The following RIMKLB variants were observed in gnomAD, a reference collection of about 807,000 sequenced individuals.
RIMKLB encodes the protein beta-citrylglutamate synthase B.
Under a neutral mutation model 32.0 loss-of-function variants are expected in RIMKLB, and 7 were observed. That is an observed-to-expected ratio of 0.22 (90% CI 0.12 to 0.41). RIMKLB has a LOEUF of 0.41. Ranked by LOEUF, RIMKLB falls within the 10% of genes least tolerant of loss-of-function variation. The pLI is 1.00. For missense variants in RIMKLB, 289 were observed against 498.7 expected, an observed-to-expected ratio of 0.58 and a Z score of 4.00; for synonymous variants, 172 against 185.1, an observed-to-expected ratio of 0.93 and a Z score of 0.57.
At chr12:8,772,616 C>T (rs1389875873) in intron 5 of RIMKLB, among the ~76,000 whole-genome samples, 2 of 152,164 alleles carry the variant, frequency 1.3e-5, no homozygotes, top group African/African-American at 4.8e-5. Flanking sequence ...CTCACCTGTC[C>T]AGCTACTTCT....
Position 8,691,133 on chromosome 12 carries a change from A to T in RIMKLB, n.219+9315A>T, listed in dbSNP as rs117920079. On this transcript the variant is annotated intron_variant and non_coding_transcript_variant, in intron 1 of 1. Coordinates refer to the RIMKLB transcript ENST00000538758. ...TCTAAGTTGTCTGTCCCAGTTACCCAGAAAAGTTCTGCGAAACAATACGAA... is the reference window on the plus strand; with the variant it reads ...TCTAAGTTGTCTGTCCCAGTTACCCTGAAAAGTTCTGCGAAACAATACGAA... Among the ~76,000 whole-genome samples, 17 of 152,238 alleles carry T rather than the reference A, an allele frequency of 1.1e-4. No individual in the cohort carries two copies. The East Asian group carries it at 3.3e-3, about 29-fold the overall frequency.
At chr12:8,687,765 A>G (rs1942617375) in intron 1 of RIMKLB, among the ~76,000 whole-genome samples, 1 of 151,404 alleles carries the variant, frequency 6.6e-6, no homozygotes, top group Admixed American at 6.6e-5. Flanking sequence ...ATTGTGTTCC[A>G]GAAGGAGAAT....
chr12:8,782,865 G>A (rs1951179055), intron 7 of RIMKLB: 1 of 152,092 alleles, frequency 6.6e-6, no homozygotes, highest in Non-Finnish European at 1.5e-5. Context: ...TGGTTATAGA[G>A]ACTTTTAAAA....
downstream of RIMKLB, chr12:8,779,945 T>G (rs1390429375): frequency 6.6e-6 from 1 of 152,210 alleles, no homozygotes; most frequent in Non-Finnish European, 1.5e-5. Flanking sequence ...TCAGTCCTTT[T>G]TAAAAGACTT....
the RIMKLB span, among the ~76,000 whole-genome samples, chr12:8,672,496 A>C: frequency 6.6e-6 from 1 of 152,190 alleles, no homozygotes; most frequent in Non-Finnish European, 1.5e-5. Flanking sequence ...CACTTCTTAC[A>C]TGGCAGCAGC....
chr12:8,766,398 T>A (rs1391837185), intron 5 of RIMKLB, among the ~76,000 whole-genome samples: 3 of 152,198 alleles, frequency 2.0e-5, no homozygotes, highest in Non-Finnish European at 4.4e-5. Context: ...AGAGCTGGGC[T>A]GGGTTCCTGA....
chr12:8,727,878 G>A (rs1437370901), intron 2 of RIMKLB, among the ~76,000 whole-genome samples: 1 of 147,866 alleles, frequency 6.8e-6, no homozygotes, highest in African/African-American at 2.5e-5. Context: ...TCCAGTCTGG[G>A]CAACGGAGTG....
chr12:8,755,158 A>T (rs933800560), intron 5 of RIMKLB, among the ~76,000 whole-genome samples: 7 of 151,904 alleles, frequency 4.6e-5, no homozygotes, highest in Admixed American at 1.3e-4. Flanking sequence ...CACCATGTTG[A>T]CCAGGCTGGT....
chr12:8,762,653 A>T (rs1014008851), intron 5 of RIMKLB, among the ~76,000 whole-genome samples: 1 of 152,152 alleles, frequency 6.6e-6, no homozygotes, highest in Non-Finnish European at 1.5e-5. Flanking sequence ...CTAGGTAAGC[A>T]TATTAGTGTC....
At chr12:8,747,849 G>A (rs1347791219) in intron 2 of RIMKLB, among the ~76,000 whole-genome samples, 3 of 151,610 alleles carry the variant, frequency 2.0e-5, no homozygotes, top group South Asian at 2.1e-4. Context: ...TCCGCCTCCC[G>A]AGTTGAAGCG....
chr12:8,696,093 A>G (rs1942880706), upstream of RIMKLB, among the ~76,000 whole-genome samples: 1 of 152,212 alleles, frequency 6.6e-6, no homozygotes, highest in South Asian at 2.1e-4. Context: ...GGATGCAGTT[A>G]CCACGAATTG....
At chr12:8,721,129 T>C (rs968501545) in intron 2 of RIMKLB, among the ~76,000 whole-genome samples, 6 of 152,200 alleles carry the variant, frequency 3.9e-5, no homozygotes, top group African/African-American at 1.4e-4. Context: ...TAGGCACACC[T>C]TGGAGATACT....
chr12:8,737,184 C>A (rs1049899689), intron 2 of RIMKLB, among the ~76,000 whole-genome samples: 6 of 151,558 alleles, frequency 4.0e-5, no homozygotes, highest in Admixed American at 2.6e-4. Flanking sequence ...TTTTTTTCTC[C>A]TTTATCCAGG....
intron 5 of RIMKLB, among the ~76,000 whole-genome samples, chr12:8,772,596 G>T (rs748635765): frequency 6.6e-6 from 1 of 152,158 alleles, no homozygotes. Flanking sequence ...CAGTGGTAGG[G>T]AGGATCCACC....
At chr12:8,761,753 T>C (rs1347260747) in intron 5 of RIMKLB, among the ~76,000 whole-genome samples, 1 of 152,104 alleles carries the variant, frequency 6.6e-6, no homozygotes, top group Non-Finnish European at 1.5e-5. Context: ...GTCCCCCCTC[T>C]CAACAGGAAA....
In RIMKLB at chr12:8,698,270, A is replaced by C. The variant is rs758218508; in HGVS notation, c.-84A>C. 7 of 360,396 alleles carry C rather than the reference A, an allele frequency of 1.9e-5. No homozygotes were observed. Among genetic ancestry groups the C allele is most frequent in the Admixed American group, 9.6e-5 (3 of 31,394 alleles). The allele number at this position is 360,396 out of a possible 1,614,324, so 22.3% of individuals were successfully genotyped here. On this transcript the variant is annotated 5_prime_UTR_variant, in exon 1 of 6. Transcript: ENST00000535829. ...GGCCCCAGCCCGGCTCAGTCGGCCG[A>C]GAGCGAGGGAGGAGCCCCCCGACCC...
chr12:8,775,589 G>A lies in RIMKLB; in HGVS notation c.*1805G>A. 1 of 985,590 alleles carries A rather than the reference G, an allele frequency of 1.0e-6. No homozygotes were observed. Among genetic ancestry groups the A allele is most frequent in the South Asian group, 4.7e-5 (1 of 21,278 alleles). The allele number at this position is 985,590 out of a possible 1,614,324, so 61.1% of individuals were successfully genotyped here. A position where few individuals can be genotyped will look rare whatever the true frequency, so the allele number is the denominator to read the frequency against. ...TTGGACACTACTAGAGAGACTTCGA[G>A]GCAATAATAAAAGATCAGTATTAAC... On this transcript the variant is annotated 3_prime_UTR_variant, in exon 6 of 6. Transcript: ENST00000535829.
chr12:8,696,838 A>G (rs1185216896), upstream of RIMKLB, among the ~76,000 whole-genome samples: 5 of 152,248 alleles, frequency 3.3e-5, no homozygotes, highest in Non-Finnish European at 7.3e-5. Context: ...TCACTGAGAC[A>G]GGGCTGAGAC....
At chr12:8,691,169 C>G (rs2136573037) in intron 1 of RIMKLB, among the ~76,000 whole-genome samples, 1 of 152,212 alleles carries the variant, frequency 6.6e-6, no homozygotes, top group Admixed American at 6.5e-5. Context: ...AGATGGGAAC[C>G]TGTATGAGTG....
Sources: gnomAD v4.1 joint callset for allele counts (sites outside exome capture counted in the v4.1 genomes callset) on GRCh38, gnomAD v4.1.1 for gene constraint, MANE v1.5 for transcripts, NCBI Gene and HGNC (gene_info 2026-07-23, HGNC 2026-07-21) for gene names.